Variants in KRT84 observed in about 807,000 individuals in gnomAD.
KRT84 encodes the protein keratin 84.
KRT84 carries 38 observed loss-of-function variants against 49.0 expected under a neutral mutation model. That is an observed-to-expected ratio of 0.78 (90% CI 0.60 to 1.02). The LOEUF (loss-of-function observed/expected upper bound fraction) is 1.02, where lower values mean the gene tolerates loss of function less well. Ranked by LOEUF, KRT84 falls within the 50% of genes least tolerant of loss-of-function variation. The pLI, the probability that KRT84 is intolerant of heterozygous loss-of-function variation, is 0.00. For missense variants in KRT84, 860 were observed against 788.6 expected (o/e 1.09, Z -1.08); for synonymous variants, 334 against 312.8 (o/e 1.07, Z -0.72).
chr12:52,381,435 C>T lies in KRT84; in HGVS notation c.1003G>A (p.Ala335Thr). 1.2e-6 allele frequency: 2 copies of T among 1,614,194 alleles called. No individual in the cohort carries two copies. The highest frequency in any genetic ancestry group is 1.7e-6 in the Non-Finnish European group (2 of 1,180,042). Reference protein sequence around the residue: ...SRDLNLDGIIAEVKAQYEEVA... With the variant: ...SRDLNLDGIITEVKAQYEEVA... The stretch of plus-strand genomic sequence containing the variant: ...TCCTCATACTGGGCCTTGACCTCAG[C>T]AATGATCCCATCAAGGTTCAGGTCA... Residue 335 changes from alanine (A) to threonine (T), a missense_variant, in exon 5 of 9, where the codon GCT (alanine) becomes ACT (threonine). Ala to Thr is a moderately conservative substitution (Grantham distance 58). Coordinates refer to ENST00000257951, the MANE Select transcript of KRT84 (RefSeq NM_033045.4).
intron 3 of KRT84, 77 bp from the exon 4 acceptor site, chr12:52,382,609 G>GCCTCTTTGCACCCAT: frequency 1.7e-6 from 2 of 1,174,892 alleles, no homozygotes; most frequent in Middle Eastern, 1.9e-4. Context: ...GGAGATGGGT[G>GCCTCTTTGCACCCAT]CAAAGAGGCA....
chr12:52,380,233 T>C (rs1028557900), intron 7 of KRT84, 130 bp downstream of exon 7: 3 of 1,139,060 alleles, frequency 2.6e-6, no homozygotes, highest in Non-Finnish European at 3.7e-6. Context: ...GCAACTAATG[T>C]TTGCAGAGAA....
chr12:52,385,811 C>T (rs1464570650), upstream of KRT84, among the ~76,000 whole-genome samples: 1 of 152,248 alleles, frequency 6.6e-6, no homozygotes, highest in Non-Finnish European at 1.5e-5. Flanking sequence ...AACTCAGACA[C>T]ACCTAGTCTC....
chr12:52,381,179 G>A lies in KRT84; in HGVS notation c.1104C>T (p.Gly368=). 6.2e-7 allele frequency: 1 copy of A among 1,614,148 alleles called. No homozygotes were observed. Among genetic ancestry groups the A allele is most frequent in the South Asian group, 1.1e-5 (1 of 91,060 alleles). ...TKYEEMQVTA[G]QHCDNLRNIR... is the part of the protein sequence containing the mutation. ...TGTTGCGCAGGTTGTCACAGTGTTG[G>A]CCAGCTGTCACCTGCATCTCTTCAT... Residue 368 remains glycine, a synonymous_variant, in exon 6 of 9, where the codon GGC becomes GGT. Coordinates refer to ENST00000257951, the MANE Select transcript of KRT84 (RefSeq NM_033045.4).
rs1002819919 is a variant in KRT84 at position 52,380,278 on chromosome 12, A to G, written c.1424+85T>C. 12 of 1,473,094 alleles carry G rather than the reference A, an allele frequency of 8.1e-6. No homozygotes were observed. In the African/African-American group the frequency reaches 9.9e-5, roughly 12 times the overall value. 91.3% of individuals were successfully genotyped at this position (1,473,094 alleles called of 1,614,324 possible). ...ATCTTTAAAGACTATGTATTTCTGC[A>G]GTTCTTCACTGTCCCCTTCTCTTCC... On this transcript the variant is annotated intron_variant, in intron 7 of 8. Coordinates refer to ENST00000257951, the MANE Select transcript of KRT84 (RefSeq NM_033045.4).
At chr12:52,379,419 A>G (rs760292756) in intron 8 of KRT84, among the ~76,000 whole-genome samples, 6 of 152,332 alleles carry the variant, frequency 3.9e-5, no homozygotes, top group Non-Finnish European at 4.4e-5. Context: ...CCAGACTGCC[A>G]TGCCCGGCAC....
chr12:52,385,119 G>A lies in KRT84; in HGVS notation c.467C>T (p.Pro156Leu). The A allele has an allele frequency of 1.9e-6, 3 of 1,599,962 alleles. No homozygotes were observed. The highest frequency in any genetic ancestry group is 2.6e-6 in the Non-Finnish European group (3 of 1,173,234). Residue 156 changes from proline (P) to leucine (L), a missense_variant, in exon 1 of 9, where the codon CCC (proline) becomes CTC (leucine). Physicochemically the swap from Pro to Leu is moderately conservative, Grantham distance 98 (BLOSUM62 -3). Coordinates refer to ENST00000257951, the MANE Select transcript of KRT84 (RefSeq NM_033045.4). ...LLTPLNLEID[P>L]NAQRVKKDEK... ...ATCCTTCTTCACCCTCTGGGCATTG[G>A]GGTCAATCTCCAGGTTGAGGGGGGT... is the stretch of plus-strand genomic sequence containing the variant.
intron 8 of KRT84, among the ~76,000 whole-genome samples, chr12:52,379,185 T>A (rs1419936217): frequency 6.6e-6 from 1 of 152,188 alleles, no homozygotes; most frequent in Non-Finnish European, 1.5e-5. Context: ...CACGTCAGTG[T>A]TCATTTGTGT....
At chr12:52,386,875 C>T (rs551038674), upstream of KRT84, among the ~76,000 whole-genome samples, 8 of 152,074 alleles carry the variant, frequency 5.3e-5, no homozygotes, top group African/African-American at 7.2e-5. Context: ...TTTGACTGGA[C>T]GCTTGAGATT....
intron 4 of KRT84, 124 bp from the exon 5 acceptor site, chr12:52,381,649 G>A (rs1939488106): frequency 4.4e-6 from 4 of 916,958 alleles, no homozygotes; most frequent in South Asian, 1.6e-5. Context: ...TCATAAAAAA[G>A]CAAGACCATC....
At chr12:52,378,695 A>G (rs1049946507) in intron 8 of KRT84, among the ~76,000 whole-genome samples, 8 of 152,240 alleles carry the variant, frequency 5.3e-5, no homozygotes, top group Non-Finnish European at 2.9e-5. Context: ...TGTGAGATGT[A>G]GGTAGTGAGC....
intron 3 of KRT84, 33 bp from the exon 4 acceptor site, chr12:52,382,565 G>T (rs200591928): frequency 4.5e-6 from 7 of 1,539,936 alleles, no homozygotes; most frequent in South Asian, 2.2e-5. Context: ...AATACTCATC[G>T]CCTGGGCACT....
intron 8 of KRT84, among the ~76,000 whole-genome samples, chr12:52,379,190 TTG>T (rs1939438081): frequency 6.6e-6 from 1 of 152,180 alleles, no homozygotes; most frequent in African/African-American, 2.4e-5. Context: ...CAGTGTTCAT[TTG>T]TGTTTTTGGA....
In KRT84 at chr12:52,385,629, T is replaced by A; in HGVS notation, c.-44A>T. 3 of 1,579,360 alleles carry A rather than the reference T, an allele frequency of 1.9e-6. No homozygotes were observed. Among genetic ancestry groups the A allele is most frequent in the Non-Finnish European group, 2.6e-6 (3 of 1,159,862 alleles). ...AGCAAAAGAGCAAGTGTAGAATGGG[T>A]GAGCTGGAGCTGGGAGTCCCTCTGA... is the stretch of plus-strand genomic sequence containing the variant. On this transcript the variant is annotated 5_prime_UTR_variant, in exon 1 of 9. Transcript: ENST00000257951.
intron 1 of KRT84, among the ~76,000 whole-genome samples, chr12:52,384,380 CA>C (rs1939538641): frequency 6.6e-6 from 1 of 152,182 alleles, no homozygotes; most frequent in South Asian, 2.1e-4. Context: ...TCCATCTCCA[CA>C]TAGACATGGT....
Position 52,384,972 on chromosome 12 carries a change from G to A in KRT84, c.546+68C>T, listed in dbSNP as rs1939547617. 1.8e-5 allele frequency: 26 copies of A among 1,481,102 alleles called. No individual in the cohort carries two copies. In the South Asian group the frequency reaches 3.3e-4, roughly 19 times the overall value. 91.7% of individuals were successfully genotyped at this position (1,481,102 alleles called of 1,614,324 possible). On this transcript the variant is annotated intron_variant, in intron 1 of 8. Transcript: ENST00000257951. ...CAGAACCGGGCCAGTTCTTTTTAAGGGAAAGAGCACTCTAGCGCATTTTGG... is the reference window on the plus strand; with the variant it reads ...CAGAACCGGGCCAGTTCTTTTTAAGAGAAAGAGCACTCTAGCGCATTTTGG...
intron 8 of KRT84, among the ~76,000 whole-genome samples, chr12:52,379,439 C>T (rs563737175): frequency 5.8e-4 from 89 of 152,340 alleles, no homozygotes; most frequent in Non-Finnish European, 8.1e-4. Context: ...CACTGCCCTG[C>T]GTGCTTTGGG....
At chr12:52,382,557 T>A in intron 3 of KRT84, 25 bp from the exon 4 acceptor site, 2 of 1,576,142 alleles carry the variant, frequency 1.3e-6, no homozygotes, top group Non-Finnish European at 1.7e-6. Context: ...GAAGGATAAA[T>A]ACTCATCGCC....
At position 52,385,071 on chromosome 12, in the gene KRT84, A is replaced by C. The variant is rs771464225; in HGVS notation, c.515T>G (p.Leu172Arg). Residue 172 changes from leucine (L) to arginine (R), a missense_variant, in exon 1 of 9, where the codon CTC (leucine) becomes CGC (arginine). Leu to Arg is a moderately radical substitution (Grantham distance 102). Coordinates refer to ENST00000257951, the MANE Select transcript of KRT84 (RefSeq NM_033045.4). ...AATGAAGGAGGCAAACTTGTTGTTG[A>C]GGGTCTTGATTTGCTCCTTCTCATC... ...KKDEKEQIKT[L>R]NNKFASFIDK... 6.2e-7 allele frequency: 1 copy of C among 1,608,036 alleles called. No homozygotes were observed. Among genetic ancestry groups the C allele is most frequent in the Non-Finnish European group, 8.5e-7 (1 of 1,177,178 alleles).
Sources: allele counts gnomAD v4.1 joint callset (sites outside exome capture counted in the v4.1 genomes callset), GRCh38; gene constraint gnomAD v4.1.1; transcripts MANE v1.5; gene names NCBI Gene and HGNC (gene_info 2026-07-23, HGNC 2026-07-21).